Variants in HNF1A observed in about 807,000 individuals in gnomAD.
HNF1A encodes the protein HNF1 homeobox A, also known as hepatocyte nuclear factor 1-alpha.
A neutral mutation model predicts 62.2 loss-of-function variants in HNF1A; 21 were observed. That is an observed-to-expected ratio of 0.34 (90% confidence interval 0.24 to 0.49). HNF1A has a LOEUF of 0.49. Among genes scored for constraint, HNF1A ranks in the 20% least tolerant of loss-of-function variants. The pLI, the probability that HNF1A is intolerant of heterozygous loss-of-function variation, is 0.99. For missense variants in HNF1A, 687 were observed against 832.3 expected (o/e 0.83, Z 2.15); for synonymous variants, 374 against 366.8 (o/e 1.02, Z -0.22).
In HNF1A at chr12:120,983,950, T is replaced by TGTGTGTGTG. The variant is rs1382795865; in HGVS notation, c.326+4856_326+4857insGTGTGTGTG. Among the ~76,000 whole-genome samples the TGTGTGTGTG allele has an allele frequency of 1.1e-3, 59 of 55,064 alleles. No individual in the cohort carries two copies. In the East Asian group the frequency reaches 0.014, roughly 13 times the overall value. 36.1% of individuals were successfully genotyped at this position (55,064 alleles called of 152,430 possible). A position where few individuals can be genotyped will look rare whatever the true frequency, so the allele number is the denominator to read the frequency against. ...TGTGTGTGTGTGTGTGTGTGTGTGT[T>TGTGTGTGTG]TGTGTAAGAGACACACAGAGAGACA... On this transcript the variant is annotated intron_variant, in intron 1 of 9. Transcript: ENST00000257555.
In HNF1A at chr12:120,994,144, A is replaced by G. The variant is rs2135840955; in HGVS notation, c.714-20A>G. The G allele has an allele frequency of 6.2e-7, 1 of 1,610,778 alleles. No individual in the cohort carries two copies. The highest frequency in any genetic ancestry group is 8.5e-7 in the Non-Finnish European group (1 of 1,178,774). On this transcript the variant is annotated intron_variant, in intron 3 of 9. Coordinates refer to ENST00000257555, the MANE Select transcript of HNF1A (RefSeq NM_000545.8). ...TCCTCTGAGCCTGGCCTGGAGGCTC[A>G]TGGGTGGCTATTTCTGCAGGGCGGA...
At position 120,989,829 on chromosome 12, in the gene HNF1A, A is replaced by G. The variant is rs544735519; in HGVS notation, c.526+797A>G. ...CAGGAAGCCTCACATTGCAAATATG[A>G]CCTTTAGAATATGACCTTTAGACTA... On this transcript the variant is annotated intron_variant, in intron 2 of 9. Coordinates refer to ENST00000257555, the MANE Select transcript of HNF1A (RefSeq NM_000545.8). 5.9e-5 allele frequency among the ~76,000 whole-genome samples: 9 copies of G among 152,226 alleles called. 1 individual carries two copies. In the South Asian group the frequency reaches 1.9e-3, roughly 32 times the overall value.
chr12:120,993,449 C>A (rs1214788909), intron 2 of HNF1A, 71 bp from the exon 3 acceptor site: 1 of 1,484,214 alleles, frequency 6.7e-7, no homozygotes, highest in Non-Finnish European at 9.4e-7. Context: ...GAATCAAGGG[C>A]AAGGTCAGGG....
At chr12:121,000,237 C>T (rs1877362620) in intron 9 of HNF1A, among the ~76,000 whole-genome samples, 1 of 152,142 alleles carries the variant, frequency 6.6e-6, no homozygotes, top group Admixed American at 6.5e-5. Flanking sequence ...TTGCAAGCTG[C>T]CCCCTTTCTA....
chr12:120,995,567 CCA>C (rs1303093268), intron 4 of HNF1A, among the ~76,000 whole-genome samples: 5 of 151,800 alleles, frequency 3.3e-5, no homozygotes, highest in African/African-American at 9.7e-5. Context: ...TTCACATACT[CCA>C]CCATTCCAGT....
At chr12:120,999,660 TGTCCCTGCCCCCTTCCATGTTG>T (rs746216721) in intron 9 of HNF1A, 33 bp downstream of exon 9, 139 of 1,596,984 alleles carry the variant, frequency 8.7e-5, no homozygotes, top group Admixed American at 4.9e-4. Flanking sequence ...CCTCCCTTAC[TGTCCCTGCCCCCTTCCATGTTG>T]GTCCCACCCC....
Position 120,996,764 on chromosome 12 carries a change from G to C in HNF1A, c.1309+22G>C. On this transcript the variant is annotated intron_variant, in intron 6 of 9. Coordinates refer to ENST00000257555, the MANE Select transcript of HNF1A (RefSeq NM_000545.8). The surrounding 1 kb of genome is among the most constrained non-coding windows in gnomAD (Gnocchi z 4.5). Reference sequence around the variant, plus strand: ...ATCGGTAAGCTGGTGGGGATGGGTGGGCACCTGGGTGGGAGGCTCATGGGG... The same window carrying C: ...ATCGGTAAGCTGGTGGGGATGGGTGCGCACCTGGGTGGGAGGCTCATGGGG... 1 of 1,612,930 alleles carries C rather than the reference G, an allele frequency of 6.2e-7. No homozygotes were observed. The highest frequency in any genetic ancestry group is 1.1e-5 in the South Asian group (1 of 90,762).
chr12:120,995,604 C>T (rs1877057042), intron 4 of HNF1A, among the ~76,000 whole-genome samples: 1 of 151,984 alleles, frequency 6.6e-6, no homozygotes, highest in African/African-American at 2.4e-5. Context: ...CCACTCCAAC[C>T]CACTCACTCC....
At chr12:120,982,647 C>T (rs1269978721) in intron 1 of HNF1A, among the ~76,000 whole-genome samples, 1 of 152,162 alleles carries the variant, frequency 6.6e-6, no homozygotes, top group Admixed American at 6.5e-5. Context: ...GTAGAGTAAA[C>T]ATGTAGTAAC....
Position 120,978,859 on chromosome 12 carries a change from G to A in HNF1A, c.91G>A (p.Gly31Ser). 1 of 1,613,456 alleles carries A rather than the reference G, an allele frequency of 6.2e-7. No homozygotes were observed. Among genetic ancestry groups the A allele is most frequent in the Non-Finnish European group, 8.5e-7 (1 of 1,179,864 alleles). The change falls in exon 1 of 10, where the codon GGT becomes AGT. Residue 31 changes from glycine (G) to serine (S), a missense_variant. By Grantham distance (56) the Gly-to-Ser change is moderately conservative. Coordinates refer to ENST00000257555, the MANE Select transcript of HNF1A (RefSeq NM_000545.8). ...LSKEALIQAL[G>S]EPGPYLLAGE... Reference sequence around the variant, plus strand: ...CAAAGAGGCACTGATCCAGGCACTGGGTGAGCCGGGGCCCTACCTCCTGGC... The same window carrying A: ...CAAAGAGGCACTGATCCAGGCACTGAGTGAGCCGGGGCCCTACCTCCTGGC...
intron 2 of HNF1A, among the ~76,000 whole-genome samples, chr12:120,990,673 GGAAAGGGAGGAAGGA>G (rs1399431443): frequency 5.0e-4 from 75 of 149,090 alleles, no homozygotes; most frequent in African/African-American, 1.7e-3. Flanking sequence ...AGGAAAGGTA[GGAAAGGGAGGAAGGA>G]AGGAAGGAAG....
At chr12:120,982,736 G>A (rs766303185) in intron 1 of HNF1A, among the ~76,000 whole-genome samples, 57 of 152,146 alleles carry the variant, frequency 3.7e-4, no homozygotes, top group Non-Finnish European at 4.7e-4. Context: ...GTGCCTTACC[G>A]AACGAAACTC....
chr12:120,996,153 C>G lies in HNF1A; in HGVS notation c.956-109C>G. On this transcript the variant is annotated intron_variant, in intron 4 of 9. Transcript: ENST00000257555. The surrounding 1 kb of genome is among the most constrained non-coding windows in gnomAD (Gnocchi z 4.5). ...GATTTGCTGGCTGCATAAAGGCAGA[C>G]AGGCAGCTGGCCTAAGCAAACCAAT... 2 of 1,339,302 alleles carry G rather than the reference C, an allele frequency of 1.5e-6. No individual in the cohort carries two copies. Among genetic ancestry groups the G allele is most frequent in the Non-Finnish European group, 2.1e-6 (2 of 948,724 alleles). 83.0% of individuals were successfully genotyped at this position (1,339,302 alleles called of 1,614,324 possible).
intron 1 of HNF1A, among the ~76,000 whole-genome samples, chr12:120,982,949 C>G (rs1240936383): frequency 6.6e-6 from 1 of 152,206 alleles, no homozygotes; most frequent in Non-Finnish European, 1.5e-5. Flanking sequence ...CTCCCCATCT[C>G]TGAAGTCTGA....
rs1877128341 is a variant in HNF1A, at chr12:120,996,821, C to G, written c.1309+79C>G. On this transcript the variant is annotated intron_variant, in intron 6 of 9. Coordinates refer to ENST00000257555, the MANE Select transcript of HNF1A (RefSeq NM_000545.8). The surrounding 1 kb of genome is among the most constrained non-coding windows in gnomAD (Gnocchi z 4.5). Reference sequence around the variant, plus strand: ...CAGAATCCAGGAGCTGGAAGAGCCACTGGGACTCATTCATTCATTCATACA... The same window carrying G: ...CAGAATCCAGGAGCTGGAAGAGCCAGTGGGACTCATTCATTCATTCATACA... 1 of 1,541,382 alleles carries G rather than the reference C, an allele frequency of 6.5e-7. No individual in the cohort carries two copies. Among genetic ancestry groups the G allele is most frequent in the African/African-American group, 1.5e-5 (1 of 67,946 alleles).
At chr12:120,999,441 C>T (rs1162227899) in intron 8 of HNF1A, 42 bp from the exon 9 acceptor site, 2 of 1,613,568 alleles carry the variant, frequency 1.2e-6, no homozygotes, top group African/African-American at 2.7e-5. Flanking sequence ...AGCCCCTCAC[C>T]CCCACATCCC....
At chr12:120,987,125 A>AT (rs1283019698) in intron 1 of HNF1A, among the ~76,000 whole-genome samples, 1 of 151,914 alleles carries the variant, frequency 6.6e-6, no homozygotes, top group Non-Finnish European at 1.5e-5. Flanking sequence ...GTTCACATGC[A>AT]TTTTTGGTAC....
chr12:120,994,618 TCCA>T (rs1057183367), intron 4 of HNF1A, among the ~76,000 whole-genome samples: 6 of 152,076 alleles, frequency 3.9e-5, no homozygotes, highest in Middle Eastern at 3.4e-3. Flanking sequence ...ATTCACTCCA[TCCA>T]CCACAATTAA....
rs1364892866 is a variant in HNF1A, at chr12:120,994,332, C to T, written c.882C>T (p.Gly294=). 1.2e-6 allele frequency: 2 copies of T among 1,607,652 alleles called. No homozygotes were observed. Among genetic ancestry groups the T allele is most frequent in the South Asian group, 2.2e-5 (2 of 90,098 alleles). Residue 294 remains glycine (G), a synonymous_variant, in exon 4 of 10, where the codon GGC becomes GGT. Coordinates refer to ENST00000257555, the MANE Select transcript of HNF1A (RefSeq NM_000545.8). The part of the protein sequence containing the change: ...DTYSGPPPGP[G]PGPALPAHSS... Reference sequence around the variant, plus strand: ...ACAGCGGGCCCCCCCCAGGGCCAGGCCCGGGACCTGCGCTGCCCGCTCACA... The same window carrying T: ...ACAGCGGGCCCCCCCCAGGGCCAGGTCCGGGACCTGCGCTGCCCGCTCACA...
Sources: allele counts gnomAD v4.1 joint callset (sites outside exome capture counted in the v4.1 genomes callset), GRCh38; gene constraint gnomAD v4.1.1; non-coding constraint Gnocchi (gnomAD v3.1); transcripts MANE v1.5; gene names NCBI Gene and HGNC (gene_info 2026-07-23, HGNC 2026-07-21).